PPP1R37: variants seen among roughly 807,000 people sequenced by gnomAD.
PPP1R37 encodes leucine rich repeat containing 68.
In PPP1R37, 21 loss-of-function variants were observed where a neutral mutation model predicts 61.0. The observed-to-expected ratio is 0.34, with a 90% confidence interval of 0.24 to 0.50. The LOEUF (loss-of-function observed/expected upper bound fraction) is 0.50. Ranked by LOEUF, PPP1R37 falls within the 20% of genes least tolerant of loss-of-function variation. PPP1R37 has a pLI of 0.98. For missense variants in PPP1R37, 910 were observed against 952.7 expected (o/e 0.96, Z 0.59); for synonymous variants, 443 against 433.5 (o/e 1.02, Z -0.27).
intron 1 of PPP1R37, among the ~76,000 whole-genome samples, chr19:45,103,158 T>C (rs1246110764): frequency 6.6e-6 from 1 of 152,178 alleles, no homozygotes; most frequent in Admixed American, 6.5e-5. Context: ...GATGAATTGG[T>C]GGTGGATGGA....
chr19:45,117,163 T>A (rs566421375), intron 1 of PPP1R37, among the ~76,000 whole-genome samples: 1 of 152,258 alleles, frequency 6.6e-6, no homozygotes, highest in South Asian at 2.1e-4. Context: ...TGCACCCGCC[T>A]CAGCCTCCCA....
At chr19:45,100,654 C>T (rs116408589) in intron 1 of PPP1R37, among the ~76,000 whole-genome samples, 3,840 of 152,300 alleles carry the variant, frequency 0.025, 162 homozygotes, top group African/African-American at 0.088. Flanking sequence ...AGTGCTTGGA[C>T]GCATTCGGTG....
At chr19:45,106,807 CTT>C (rs927426410) in intron 1 of PPP1R37, among the ~76,000 whole-genome samples, 649 of 77,792 alleles carry the variant, frequency 8.3e-3, no homozygotes, top group African/African-American at 0.04. Context: ...TGTTGAGCAT[CTT>C]TTTTTTTTTT....
At chr19:45,125,273 G>C (rs564496085) in intron 1 of PPP1R37, among the ~76,000 whole-genome samples, 25 of 152,114 alleles carry the variant, frequency 1.6e-4, no homozygotes, top group African/African-American at 6.0e-4. Flanking sequence ...GACCATCCTG[G>C]CCAACATGGT....
At chr19:45,127,382 G>A (rs1156386635) in intron 1 of PPP1R37, among the ~76,000 whole-genome samples, 3 of 148,438 alleles carry the variant, frequency 2.0e-5, no homozygotes, top group Non-Finnish European at 4.5e-5. Flanking sequence ...AAAAACCCTA[G>A]GTGGCATGCC....
chr19:45,096,343 G>A (rs971197893), intron 1 of PPP1R37, among the ~76,000 whole-genome samples: 19 of 152,196 alleles, frequency 1.2e-4, no homozygotes, highest in African/African-American at 4.6e-4. Flanking sequence ...GCTTTGGGGG[G>A]TAAAGTTTCT....
chr19:45,140,521 A>G lies in PPP1R37; in HGVS notation c.362A>G (p.Tyr121Cys), dbSNP rs911870919. 1.8e-5 allele frequency: 28 copies of G among 1,535,928 alleles called. No individual in the cohort carries two copies. The highest frequency in any genetic ancestry group is 2.4e-5 in the Non-Finnish European group (27 of 1,146,762). Residue 121 changes from tyrosine to cysteine, a missense_variant, in exon 4 of 13, where the codon TAC (tyrosine) becomes TGC (cysteine). This residue lies in a region of PPP1R37 where 280 missense variants were observed against 382.2 expected (regional missense o/e 0.73). Transcript: ENST00000221462. Reference protein sequence around the residue: ...CLDLKGEKLDYKTCEALEEVF... With the variant: ...CLDLKGEKLDCKTCEALEEVF... ...CTCCCCCCAGGTGAGAAGCTTGACT[A>G]CAAGACCTGTGAGGCCCTGGAAGAG...
At chr19:45,122,193 T>C (rs374465287) in intron 1 of PPP1R37, among the ~76,000 whole-genome samples, 6 of 152,268 alleles carry the variant, frequency 3.9e-5, no homozygotes, top group African/African-American at 1.2e-4. Flanking sequence ...TAGAAGGCAT[T>C]TGCCCCAGGC....
intron 1 of PPP1R37, among the ~76,000 whole-genome samples, chr19:45,133,419 A>G (rs886842740): frequency 6.6e-5 from 10 of 152,208 alleles, no homozygotes; most frequent in South Asian, 2.1e-4. Flanking sequence ...GCAAGACTCT[A>G]TATCTCAGGT....
intron 1 of PPP1R37, chr19:45,099,997 G>C (rs573311990): frequency 6.6e-6 from 1 of 152,220 alleles, no homozygotes; most frequent in Non-Finnish European, 1.5e-5. Flanking sequence ...TTCTGGGAGC[G>C]AGTACTGGGG....
intron 1 of PPP1R37, among the ~76,000 whole-genome samples, chr19:45,122,043 T>A (rs1968348329): frequency 6.6e-6 from 1 of 152,108 alleles, no homozygotes; most frequent in Non-Finnish European, 1.5e-5. Context: ...CACAGAAAGC[T>A]CTGTGGGTAC....
At chr19:45,116,158 TC>T (rs1218026855) in intron 1 of PPP1R37, among the ~76,000 whole-genome samples, 2 of 152,234 alleles carry the variant, frequency 1.3e-5, no homozygotes, top group African/African-American at 4.8e-5. Context: ...TCTGCCTTGT[TC>T]CTTCCGTCCC....
In PPP1R37 at chr19:45,118,133, G is replaced by GT. The variant is rs1351318883; in HGVS notation, c.203-20380dup. On this transcript the variant is annotated intron_variant, in intron 1 of 12. Coordinates refer to ENST00000221462, the MANE Select transcript of PPP1R37 (RefSeq NM_019121.2). ...CCTGGGCTTCCAACTGCCTACAGAGGTAGCTGCAGCCCTCCCCTCAGGCTG... is the reference window on the plus strand; with the variant it reads ...CCTGGGCTTCCAACTGCCTACAGAGGTTAGCTGCAGCCCTCCCCTCAGGCTG... 2.6e-5 allele frequency among the ~76,000 whole-genome samples: 4 copies of GT among 152,354 alleles called. No individual in the cohort carries two copies. In the East Asian group the frequency reaches 7.7e-4, roughly 29 times the overall value.
At chr19:45,142,509 G>A (rs1968627528) in intron 7 of PPP1R37, 51 bp downstream of exon 7, 3 of 1,506,602 alleles carry the variant, frequency 2.0e-6, no homozygotes. Flanking sequence ...CACCCACTCT[G>A]CCCGGCCCTG....
At position 45,093,195 on chromosome 19, in the gene PPP1R37, A is replaced by C; in HGVS notation, c.-131A>C. 2.8e-6 allele frequency: 2 copies of C among 714,314 alleles called. No individual in the cohort carries two copies. Among genetic ancestry groups the C allele is most frequent in the Non-Finnish European group, 4.0e-6 (2 of 494,374 alleles). 44.2% of individuals were successfully genotyped at this position (714,314 alleles called of 1,614,324 possible). On this transcript the variant is annotated 5_prime_UTR_variant, in exon 1 of 13. Coordinates refer to ENST00000221462, the MANE Select transcript of PPP1R37 (RefSeq NM_019121.2). ...CCCGGCGGCGACGACTACGACCACT[A>C]GGAGAGCGGACGGAGGCGGCGCCTG... is the stretch of plus-strand genomic sequence containing the variant.
intron 1 of PPP1R37, among the ~76,000 whole-genome samples, chr19:45,095,174 G>A (rs538409810): frequency 7.9e-5 from 12 of 152,308 alleles, no homozygotes; most frequent in African/African-American, 2.6e-4. Flanking sequence ...AGTCCATCAT[G>A]AATGACAGTT....
At chr19:45,095,127 G>A (rs1402965062) in intron 1 of PPP1R37, among the ~76,000 whole-genome samples, 1 of 152,172 alleles carries the variant, frequency 6.6e-6, no homozygotes, top group Non-Finnish European at 1.5e-5. Context: ...TGATGTGAGG[G>A]TGGGAAACAT....
chr19:45,142,123 C>T lies in PPP1R37; in HGVS notation c.630C>T (p.Phe210=), dbSNP rs541184431. The T allele has an allele frequency of 2.8e-4, 429 of 1,534,852 alleles. 1 individual carries two copies. The highest frequency in any genetic ancestry group is 3.7e-4 in the Admixed American group (19 of 50,948). The change falls in exon 6 of 13, where the codon TTC becomes TTT. Residue 210 remains phenylalanine, a synonymous_variant. Coordinates refer to ENST00000221462, the MANE Select transcript of PPP1R37 (RefSeq NM_019121.2). ...CCCTGCTGGACCACTCGGCGCCCTTCGTGGCCCGTGCCCTGCGCATCCGCA... is the reference window on the plus strand; with the variant it reads ...CCCTGCTGGACCACTCGGCGCCCTTTGTGGCCCGTGCCCTGCGCATCCGCA... The part of the protein sequence containing the change: ...NTPLLDHSAP[F]VARALRIRSS...
intron 8 of PPP1R37, chr19:45,144,638 T>A (rs117016571): frequency 0.11 from 58,060 of 525,332 alleles, 3,912 homozygotes; most frequent in Middle Eastern, 0.15. Flanking sequence ...GAGCTGGGAG[T>A]GGACGGGGGA....
Sources: allele counts gnomAD v4.1 joint callset (sites outside exome capture counted in the v4.1 genomes callset), GRCh38; gene constraint gnomAD v4.1.1; regional missense constraint gnomAD v4.1.1; transcripts MANE v1.5; gene names NCBI Gene and HGNC (gene_info 2026-07-23, HGNC 2026-07-21).